C3orf52: variants seen among roughly 807,000 people sequenced by gnomAD.
C3orf52 encodes the protein chromosome 3 open reading frame 52.
A neutral mutation model predicts 24.8 loss-of-function variants in C3orf52; 22 were observed. The observed-to-expected ratio is 0.89, with a 90% CI of 0.63 to 1.27. The LOEUF (loss-of-function observed/expected upper bound fraction) is 1.27, where lower values mean the gene tolerates loss of function less well. C3orf52 is among the 50% of genes most tolerant of loss of function. The pLI, the probability that C3orf52 is intolerant of heterozygous loss-of-function variation, is 0.00. For synonymous variants in C3orf52, 93 were observed against 100.2 expected, an observed-to-expected ratio of 0.93 and a Z score of 0.43; for missense variants, 265 against 260.7, an observed-to-expected ratio of 1.02 and a Z score of -0.11.
intron 4 of C3orf52, chr3:112,111,819 C>T (rs1311003919): frequency 1.3e-5 from 2 of 152,226 alleles, no homozygotes; most frequent in African/African-American, 2.4e-5. Flanking sequence ...TTTTTTGGCC[C>T]TCCTTTAGTG....
chr3:112,113,487 T>C (rs1255061852), intron 5 of C3orf52, among the ~76,000 whole-genome samples: 1 of 152,200 alleles, frequency 6.6e-6, no homozygotes, highest in Non-Finnish European at 1.5e-5. Context: ...ATTAGCAACC[T>C]TTATGGAGAT....
chr3:112,114,290 A>G (rs1432274647), intron 5 of C3orf52, among the ~76,000 whole-genome samples: 2 of 152,016 alleles, frequency 1.3e-5, no homozygotes, highest in Non-Finnish European at 2.9e-5. Flanking sequence ...AGCTCACTGG[A>G]AGTCTCATAA....
downstream of C3orf52, chr3:112,130,622 G>A (rs2074430857): frequency 1.1e-6 from 1 of 947,460 alleles, no homozygotes; most frequent in Middle Eastern, 2.1e-4. Flanking sequence ...GTGTAACTCA[G>A]AAATTGACTG....
chr3:112,110,294 A>G (rs900574332), intron 4 of C3orf52, among the ~76,000 whole-genome samples: 2 of 152,076 alleles, frequency 1.3e-5, no homozygotes, highest in African/African-American at 4.8e-5. Context: ...GCGCCACTGC[A>G]CTCCAGCCTG....
chr3:112,126,007 T>C (rs2074309301), intron 4 of C3orf52, among the ~76,000 whole-genome samples: 1 of 152,224 alleles, frequency 6.6e-6, no homozygotes, highest in African/African-American at 2.4e-5. Flanking sequence ...ATATGGTATA[T>C]GGATTGACAT....
chr3:112,123,588 G>C (rs1292440375), intron 4 of C3orf52: 1 of 1,613,958 alleles, frequency 6.2e-7, no homozygotes, highest in African/African-American at 1.3e-5. Flanking sequence ...GGGGTCTGTA[G>C]AAGGCATATG....
At chr3:112,112,720 A>G (rs2074095501) in intron 4 of C3orf52, 3 of 500,124 alleles carry the variant, frequency 6.0e-6, no homozygotes, top group South Asian at 4.1e-5. Context: ...GGCCTCTCCC[A>G]GTGGATTCCT....
intron 4 of C3orf52, chr3:112,111,609 C>A (rs1167265392): frequency 5.3e-5 from 8 of 152,212 alleles, no homozygotes; most frequent in African/African-American, 1.9e-4. Flanking sequence ...CCTGATTTTC[C>A]CATTCAGCTT....
chr3:112,135,855 G>C (rs2074546296), downstream of C3orf52, among the ~76,000 whole-genome samples: 1 of 152,054 alleles, frequency 6.6e-6, no homozygotes, highest in South Asian at 2.1e-4. Context: ...GTATAATCTA[G>C]TTTGCAGCTC....
At chr3:112,101,653 G>A (rs1355004501) in intron 2 of C3orf52, among the ~76,000 whole-genome samples, 1 of 152,164 alleles carries the variant, frequency 6.6e-6, no homozygotes, top group Non-Finnish European at 1.5e-5. Flanking sequence ...TTCCTTGCTC[G>A]TAATGCCTCG....
At chr3:112,093,912 A>T (rs1453275732) in intron 2 of C3orf52, among the ~76,000 whole-genome samples, 4 of 152,238 alleles carry the variant, frequency 2.6e-5, no homozygotes, top group Admixed American at 1.3e-4. Context: ...ATGATAAAAT[A>T]ATAAATAATG....
At chr3:112,134,127 A>C (rs4524248), downstream of C3orf52, 1 of 152,234 alleles carries the variant, frequency 6.6e-6, no homozygotes, top group African/African-American at 2.4e-5. Flanking sequence ...GAGACAGCAG[A>C]CTTCAGGGAA....
chr3:112,119,839 T>C (rs1421651570), downstream of C3orf52, among the ~76,000 whole-genome samples: 1 of 152,232 alleles, frequency 6.6e-6, no homozygotes, highest in African/African-American at 2.4e-5. Context: ...CTCCCTCATC[T>C]CACAGTTGGG....
chr3:112,128,358 CG>C, exon 5 of C3orf52: 2 of 539,802 alleles, frequency 3.7e-6, no homozygotes, highest in Non-Finnish European at 6.8e-6. Flanking sequence ...ATGAAGAACA[CG>C]TAAGTGTTAT....
In C3orf52 at chr3:112,086,537, C is replaced by T; in HGVS notation, c.130C>T (p.Pro44Ser). 1 of 1,550,988 alleles carries T rather than the reference C, an allele frequency of 6.4e-7. No individual in the cohort carries two copies. The highest frequency in any genetic ancestry group is 8.7e-7 in the Non-Finnish European group (1 of 1,146,588). The change falls in exon 1 of 6, where the codon CCG becomes TCG. Residue 44 changes from proline to serine, a missense_variant. Physicochemically the swap from Pro to Ser is moderately conservative, Grantham distance 74. Transcript: ENST00000264848. ...VFPSLDEEVPPAEANKESPWS... is the reference protein window; with the variant it reads ...VFPSLDEEVPSAEANKESPWS... ...CCCTTCTTTGGACGAGGAGGTCCCC[C>T]CGGCCGAGGTAAGGTCCCCTTGGCG...
chr3:112,127,462 TAA>T (rs1164394923), intron 4 of C3orf52, among the ~76,000 whole-genome samples: 11 of 152,160 alleles, frequency 7.2e-5, no homozygotes, highest in African/African-American at 1.2e-4. Context: ...GGGAACACTG[TAA>T]AAAGACTCCC....
rs1188684866 is a variant in C3orf52, at chr3:112,093,435, T to C, written c.214T>C (p.Ser72Pro). The C allele has an allele frequency of 6.2e-7, 1 of 1,613,796 alleles. No homozygotes were observed. The highest frequency in any genetic ancestry group is 1.1e-5 in the South Asian group (1 of 91,070). The change falls in exon 2 of 6, where the codon TCC becomes CCC. Residue 72 changes from serine to proline, a missense_variant. Transcript: ENST00000264848. ...GRCKLWMIIT[S>P]IFLGVITVII... The stretch of plus-strand genomic sequence containing the variant: ...ATGCAAACTGTGGATGATCATCACC[T>C]CCATTTTCCTAGGTGTCATTACAGT...
chr3:112,109,043 T>C (rs1300411095), intron 3 of C3orf52, among the ~76,000 whole-genome samples: 1 of 152,204 alleles, frequency 6.6e-6, no homozygotes, highest in African/African-American at 2.4e-5. Context: ...AGCCTCCATA[T>C]TTTTGCAGTT....
chr3:112,119,457 G>T (rs762979927), downstream of C3orf52: 1 of 702,736 alleles, frequency 1.4e-6, no homozygotes, highest in Non-Finnish European at 2.6e-6. Flanking sequence ...ATCAGAGGAC[G>T]TTTTTTTGTA....
Sources: allele counts gnomAD v4.1 joint callset (sites outside exome capture counted in the v4.1 genomes callset), GRCh38; gene constraint gnomAD v4.1.1; transcripts MANE v1.5; gene names NCBI Gene and HGNC (gene_info 2026-07-23, HGNC 2026-07-21).